The following USH2A variants were observed in gnomAD, a reference collection of about 807,000 sequenced individuals.
The protein encoded by USH2A is usherin.
Under a neutral mutation model 538.9 loss-of-function variants are expected in USH2A, and 443 were observed. The ratio of observed to expected loss-of-function variants is 0.82; its 90% CI spans 0.76 to 0.89. The LOEUF (loss-of-function observed/expected upper bound fraction) is 0.89, where lower values mean the gene tolerates loss of function less well. Ranked by LOEUF, USH2A falls within the 40% of genes least tolerant of loss-of-function variation. The probability of loss-of-function intolerance (pLI) is 0.00; values close to 1 mark genes in which losing one functional copy is unlikely to be tolerated. For missense variants in USH2A, 6,633 were observed against 6,324.8 expected, an observed-to-expected ratio of 1.05 and a Z score of -1.65; for synonymous variants, 2,413 against 2,273.5, an observed-to-expected ratio of 1.06 and a Z score of -1.75.
intron 60 of USH2A, among the ~76,000 whole-genome samples, chr1:215,737,527 A>G (rs1660189278): frequency 6.6e-6 from 1 of 151,836 alleles, no homozygotes; most frequent in African/African-American, 2.4e-5. Context: ...TTTCCACTAT[A>G]TATTTTACTC....
At chr1:215,652,859 C>T (rs1044015164) in intron 64 of USH2A, among the ~76,000 whole-genome samples, 4 of 152,040 alleles carry the variant, frequency 2.6e-5, no homozygotes, top group African/African-American at 4.8e-5. Flanking sequence ...GTGATTTGAG[C>T]GCAGGCAGAA....
intron 55 of USH2A, among the ~76,000 whole-genome samples, chr1:215,777,201 G>A (rs1661490858): frequency 6.6e-6 from 1 of 152,008 alleles, no homozygotes; most frequent in African/African-American, 2.4e-5. Flanking sequence ...CTGGCACCAA[G>A]ATACATGTAT....
chr1:216,183,163 G>A lies in USH2A; in HGVS notation c.4396+7060C>T, dbSNP rs191284346. 1.3e-5 allele frequency among the ~76,000 whole-genome samples: 2 copies of A among 152,118 alleles called. 1 individual carries two copies. Among genetic ancestry groups the A allele is most frequent in the Admixed American group, 1.3e-4 (2 of 15,238 alleles). ...TGGGCATTCCTGAACTTCTCTGAAA[G>A]TGACATCATCCTTTCATTTGTTTGT... On this transcript the variant is annotated intron_variant, in intron 20 of 71. Transcript: ENST00000307340.
At chr1:215,852,993 G>A (rs1277610858) in intron 44 of USH2A, among the ~76,000 whole-genome samples, 1 of 152,166 alleles carries the variant, frequency 6.6e-6, no homozygotes, top group African/African-American at 2.4e-5. Flanking sequence ...AGAGGACAGT[G>A]GCCCTCTTCT....
intron 37 of USH2A, 129 bp downstream of exon 37, chr1:215,965,187 GT>G: frequency 9.4e-7 from 1 of 1,062,390 alleles, no homozygotes; most frequent in South Asian, 1.6e-5. Flanking sequence ...ATCCGTATAG[GT>G]TATTTTCAGG....
At chr1:215,688,300 A>G (rs1658498515) in intron 61 of USH2A, among the ~76,000 whole-genome samples, 1 of 152,130 alleles carries the variant, frequency 6.6e-6, no homozygotes, top group Admixed American at 6.5e-5. Flanking sequence ...GAATGGCCCA[A>G]GAGAAGGTCA....
chr1:216,148,804 C>T (rs531402310), intron 21 of USH2A, among the ~76,000 whole-genome samples: 24 of 150,888 alleles, frequency 1.6e-4, no homozygotes, highest in African/African-American at 4.1e-4. Context: ...TCAAACATGC[C>T]TTCTTTACTA....
At chr1:215,863,083 G>A (rs1311070990) in intron 44 of USH2A, among the ~76,000 whole-genome samples, 3 of 152,138 alleles carry the variant, frequency 2.0e-5, no homozygotes, top group Non-Finnish European at 4.4e-5. Flanking sequence ...GTGAGAAGAG[G>A]GGAGTAATGA....
Position 215,650,783 on chromosome 1 carries a change from C to G in USH2A, c.14152G>C (p.Ala4718Pro), listed in dbSNP as rs1038432544. The G allele has an allele frequency of 6.8e-6, 11 of 1,608,002 alleles. No individual in the cohort carries two copies. Among genetic ancestry groups the G allele is most frequent in the Non-Finnish European group, 9.3e-6 (11 of 1,178,236 alleles). ...GTCCAGCTACTGGGGGCTTTTCCTGCAGAATTCACTGCCCAGACCTCCAAA... is the reference window on the plus strand; with the variant it reads ...GTCCAGCTACTGGGGGCTTTTCCTGGAGAATTCACTGCCCAGACCTCCAAA... ...YEYQVWAVNS[A>P]GKAPSSWTWC... The change falls in exon 65 of 72, where the codon GCA becomes CCA. Residue 4718 changes from alanine (A) to proline (P), a missense_variant. By Grantham distance (27) the Ala-to-Pro change is conservative. Transcript: ENST00000307340.
intron 44 of USH2A, among the ~76,000 whole-genome samples, chr1:215,851,346 A>G (rs1489142231): frequency 3.3e-5 from 5 of 152,150 alleles, no homozygotes; most frequent in Admixed American, 3.3e-4. Context: ...AAAAAGCTCA[A>G]TTAGAAATAA....
chr1:215,918,126 A>G (rs1000249866), intron 38 of USH2A, among the ~76,000 whole-genome samples: 34 of 152,132 alleles, frequency 2.2e-4, no homozygotes, highest in Non-Finnish European at 4.1e-4. Flanking sequence ...TAGTCATTTA[A>G]TGATTGAAGA....
chr1:215,765,674 C>T (rs1427750126), intron 56 of USH2A, among the ~76,000 whole-genome samples: 1 of 152,102 alleles, frequency 6.6e-6, no homozygotes, highest in Non-Finnish European at 1.5e-5. Flanking sequence ...GTAACCATTG[C>T]TATCAGTTGG....
At chr1:216,040,875 GA>G (rs370085868) in intron 32 of USH2A, among the ~76,000 whole-genome samples, 2 of 151,554 alleles carry the variant, frequency 1.3e-5, no homozygotes, top group African/African-American at 2.4e-5. Flanking sequence ...GGAGATCTTG[GA>G]AAAAAAGATA....
intron 36 of USH2A, among the ~76,000 whole-genome samples, chr1:215,967,869 C>T (rs1317570073): frequency 2.6e-5 from 4 of 152,104 alleles, no homozygotes; most frequent in Non-Finnish European, 5.9e-5. Flanking sequence ...TATCACATAG[C>T]AATGACCTAT....
chr1:215,646,581 C>T (rs1374618417), intron 67 of USH2A, among the ~76,000 whole-genome samples: 2 of 151,944 alleles, frequency 1.3e-5, no homozygotes, highest in Non-Finnish European at 2.9e-5. Context: ...GGCTGGAGTA[C>T]AGTGGCGTGA....
intron 61 of USH2A, among the ~76,000 whole-genome samples, chr1:215,683,279 G>A (rs923559554): frequency 6.6e-6 from 1 of 150,852 alleles, no homozygotes; most frequent in Non-Finnish European, 1.5e-5. Flanking sequence ...ACCACATATA[G>A]ACTCCTTAAA....
chr1:216,301,607 G>A (rs1473015721), intron 9 of USH2A, among the ~76,000 whole-genome samples: 1 of 152,140 alleles, frequency 6.6e-6, no homozygotes, highest in Admixed American at 6.5e-5. Flanking sequence ...GAAACCAAAA[G>A]ATGTAGTTAT....
intron 21 of USH2A, among the ~76,000 whole-genome samples, chr1:216,102,492 A>T (rs1304724987): frequency 6.6e-6 from 1 of 152,020 alleles, no homozygotes; most frequent in African/African-American, 2.4e-5. Context: ...TTAAAAACTG[A>T]CAGTATTTAT....
chr1:215,855,138 CAA>C lies in USH2A; in HGVS notation c.8846-9107_8846-9106del, dbSNP rs534469526. Among the ~76,000 whole-genome samples the C allele has an allele frequency of 3.0e-3, 456 of 152,010 alleles. 2 individuals carry two copies. Among genetic ancestry groups the C allele is most frequent in the Middle Eastern group, 6.8e-3 (2 of 294 alleles). ...GTAAATCCTAGCCAAAGCAATCAGA[CAA>C]GAGAAAAAAATATAGGGCATCCAAA... On this transcript the variant is annotated intron_variant, in intron 44 of 71. Coordinates refer to ENST00000307340, the MANE Select transcript of USH2A (RefSeq NM_206933.4).
Sources: allele counts gnomAD v4.1 joint callset (sites outside exome capture counted in the v4.1 genomes callset), GRCh38; gene constraint gnomAD v4.1.1; transcripts MANE v1.5; gene names NCBI Gene and HGNC (gene_info 2026-07-23, HGNC 2026-07-21).